Variants in SINHCAF observed in about 807,000 individuals in gnomAD.
The protein encoded by SINHCAF is SIN3-HDAC complex associated factor.
SINHCAF carries 3 observed loss-of-function variants against 25.8 expected under a neutral mutation model. The observed-to-expected ratio is 0.12, with a 90% CI of 0.05 to 0.30. The LOEUF is 0.30. Ranked by LOEUF, SINHCAF falls within the 10% of genes least tolerant of loss-of-function variation. The pLI is 1.00. For missense variants in SINHCAF, 121 were observed against 262.3 expected (o/e 0.46, Z 3.72); for synonymous variants, 70 against 85.5 (o/e 0.82, Z 1.00).
intron 1 of SINHCAF, among the ~76,000 whole-genome samples, chr12:31,305,705 T>TTTA (rs1555114817): frequency 6.6e-6 from 1 of 150,900 alleles, no homozygotes; most frequent in African/African-American, 2.4e-5. Context: ...AATTTTTTTT[T>TTTA]TTTTTTTTTT....
Position 31,325,233 on chromosome 12 carries a change from A to T in SINHCAF, c.-21+791T>A, listed in dbSNP as rs1176785539. ...CGCTACAGGTGAACGCACCGGGAGCAAAACTTCGGGCTCCGAAAGCACCCC... is the reference window on the plus strand; with the variant it reads ...CGCTACAGGTGAACGCACCGGGAGCTAAACTTCGGGCTCCGAAAGCACCCC... On this transcript the variant is annotated intron_variant, in intron 1 of 5. Coordinates refer to ENST00000337682, the MANE Select transcript of SINHCAF (RefSeq NM_001135812.2). This position sits in a 1 kb window ranked among gnomAD's most constrained non-coding sequence, Gnocchi z 5.9. 3 of 456,686 alleles carry T rather than the reference A, an allele frequency of 6.6e-6. No individual in the cohort carries two copies. Among genetic ancestry groups the T allele is most frequent in the Non-Finnish European group, 1.3e-5 (3 of 226,998 alleles). The allele number at this position is 456,686 out of a possible 1,614,324, so 28.3% of individuals were successfully genotyped here.
At position 31,320,334 on chromosome 12, in the gene SINHCAF, G is replaced by A. The variant is rs985976015; in HGVS notation, c.-21+5690C>T. The stretch of plus-strand genomic sequence containing the variant: ...TCAGGCTGTTATTTCTGCCTGAGAC[G>A]GCTTACCCTCTATCCCCTTGACCTG... On this transcript the variant is annotated intron_variant, in intron 1 of 5. Coordinates refer to ENST00000337682, the MANE Select transcript of SINHCAF (RefSeq NM_001135812.2). Among the ~76,000 whole-genome samples the A allele has an allele frequency of 6.6e-5, 10 of 152,212 alleles. No individual in the cohort carries two copies. The South Asian group carries it at 1.2e-3, about 19-fold the overall frequency.
rs1418115727 is a variant in SINHCAF, at chr12:31,280,620, C to T, written c.*2092G>A. On this transcript the variant is annotated 3_prime_UTR_variant, in exon 6 of 6. Coordinates refer to ENST00000337682, the MANE Select transcript of SINHCAF (RefSeq NM_001135812.2). Reference sequence around the variant, plus strand: ...AGTAAGACTAGATTTATTCAATACCCTAGTAAAAGTTTTGATTATAAGTAT... The same window carrying T: ...AGTAAGACTAGATTTATTCAATACCTTAGTAAAAGTTTTGATTATAAGTAT... 5.9e-5 allele frequency: 9 copies of T among 152,488 alleles called. No individual in the cohort carries two copies. Among genetic ancestry groups the T allele is most frequent in the African/African-American group, 2.2e-4 (9 of 41,402 alleles). The allele number at this position is 152,488 out of a possible 1,614,324, so 9.4% of individuals were successfully genotyped here.
At chr12:31,317,983 T>G (rs535732256) in intron 1 of SINHCAF, among the ~76,000 whole-genome samples, 1 of 152,120 alleles carries the variant, frequency 6.6e-6, no homozygotes, top group Non-Finnish European at 1.5e-5. Flanking sequence ...GGAAAAGAAA[T>G]AACACGAAAA....
In SINHCAF at chr12:31,298,244, G is replaced by A; in HGVS notation, c.-20-20C>T. On this transcript the variant is annotated intron_variant, in intron 1 of 5. Coordinates refer to ENST00000337682, the MANE Select transcript of SINHCAF (RefSeq NM_001135812.2). ...AATAGTCTGTAAAGCCAAGGGAATT[G>A]ACATATCTTTGTTGAGGGCTGTAAC... is the stretch of plus-strand genomic sequence containing the variant. 6.2e-7 allele frequency: 1 copy of A among 1,612,344 alleles called. No individual in the cohort carries two copies.
intron 1 of SINHCAF, chr12:31,311,870 C>A: frequency 2.0e-6 from 1 of 494,548 alleles, no homozygotes. Context: ...AGTTTGATCA[C>A]TTGATGAAGG....
chr12:31,302,695 T>A (rs1377212109), intron 1 of SINHCAF, among the ~76,000 whole-genome samples: 1 of 152,022 alleles, frequency 6.6e-6, no homozygotes, highest in East Asian at 1.9e-4. Flanking sequence ...TCTTGTCGAT[T>A]TGACTGGTAT....
chr12:31,322,016 A>G (rs898597269), intron 1 of SINHCAF, among the ~76,000 whole-genome samples: 1 of 152,058 alleles, frequency 6.6e-6, no homozygotes. Flanking sequence ...TTGACCATTC[A>G]GGTTCCAGAT....
chr12:31,321,146 T>C (rs990240753), intron 1 of SINHCAF, among the ~76,000 whole-genome samples: 1 of 152,170 alleles, frequency 6.6e-6, no homozygotes. Context: ...AAAATCCTAG[T>C]TGCAGATTCA....
intron 3 of SINHCAF, 56 bp from the exon 4 acceptor site, chr12:31,293,987 C>T (rs1470570866): frequency 8.2e-6 from 12 of 1,455,404 alleles, no homozygotes; most frequent in Non-Finnish European, 1.1e-5. Flanking sequence ...CAGTGTATCC[C>T]TTTGGTTCAG....
At chr12:31,313,386 G>A (rs923170874) in intron 1 of SINHCAF, among the ~76,000 whole-genome samples, 2 of 152,120 alleles carry the variant, frequency 1.3e-5, no homozygotes, top group Admixed American at 6.5e-5. Flanking sequence ...TCAATATGGG[G>A]CTGTATCTGA....
chr12:31,283,172 C>T (rs1342616862), intron 5 of SINHCAF, among the ~76,000 whole-genome samples: 7 of 152,092 alleles, frequency 4.6e-5, no homozygotes, highest in African/African-American at 1.7e-4. Flanking sequence ...TCCAAAATCA[C>T]CAACTCTTGA....
At chr12:31,298,482 A>C (rs1938639951) in intron 1 of SINHCAF, 1 of 389,430 alleles carries the variant, frequency 2.6e-6, no homozygotes, top group Admixed American at 4.2e-5. Flanking sequence ...ATGCAATCTA[A>C]AAATGGGGAA....
rs185661301 is a variant in SINHCAF at position 31,297,107 on chromosome 12, T to C, written c.128+970A>G. The stretch of plus-strand genomic sequence containing the variant: ...GTTAGAAATTACTTTCACCACTTTT[T>C]CTTATCAAAACATTTGTTGATCATT... On this transcript the variant is annotated intron_variant, in intron 2 of 5. Coordinates refer to ENST00000337682, the MANE Select transcript of SINHCAF (RefSeq NM_001135812.2). The C allele has an allele frequency of 1.9e-3, 730 of 375,264 alleles. 5 individuals carry two copies. Among genetic ancestry groups the C allele is most frequent in the Non-Finnish European group, 1.5e-3 (273 of 184,990 alleles). The allele number at this position is 375,264 out of a possible 1,614,324, so 23.2% of individuals were successfully genotyped here.
intron 1 of SINHCAF, among the ~76,000 whole-genome samples, chr12:31,313,980 AAAAGAG>A (rs1481368295): frequency 6.6e-6 from 1 of 151,612 alleles, no homozygotes; most frequent in Non-Finnish European, 1.5e-5. Flanking sequence ...TCCCTTAAAA[AAAAGAG>A]AAAGAGAATT....
intron 1 of SINHCAF, among the ~76,000 whole-genome samples, chr12:31,316,396 C>T (rs1221690418): frequency 1.3e-5 from 2 of 152,094 alleles, no homozygotes; most frequent in Admixed American, 1.3e-4. Context: ...TTTTCTTCTA[C>T]TTTAAAGCTG....
chr12:31,290,741 C>T (rs539358767), intron 4 of SINHCAF, among the ~76,000 whole-genome samples: 5 of 152,110 alleles, frequency 3.3e-5, no homozygotes, highest in South Asian at 2.1e-4. Flanking sequence ...TTTTCGGAGA[C>T]GGAGTTTTGC....
At chr12:31,322,546 T>C (rs919806861) in intron 1 of SINHCAF, among the ~76,000 whole-genome samples, 5 of 152,164 alleles carry the variant, frequency 3.3e-5, no homozygotes, top group Admixed American at 2.0e-4. Context: ...TTGGGAAAAA[T>C]AGGTCCAAAG....
chr12:31,295,465 C>A, intron 2 of SINHCAF, 132 bp from the exon 3 acceptor site: 1 of 628,938 alleles, frequency 1.6e-6, no homozygotes, highest in Non-Finnish European at 2.8e-6. Context: ...TGGATGATCC[C>A]ATTCCATTGT....
Sources: allele counts gnomAD v4.1 joint callset (sites outside exome capture counted in the v4.1 genomes callset), GRCh38; gene constraint gnomAD v4.1.1; non-coding constraint Gnocchi (gnomAD v3.1); transcripts MANE v1.5; gene names NCBI Gene and HGNC (gene_info 2026-07-23, HGNC 2026-07-21).